Variants in JMJD1C observed in about 807,000 individuals in gnomAD.
JMJD1C encodes jumonji domain containing 1C, also known as jumonji domain-containing protein 1C.
A neutral mutation model predicts 245.3 loss-of-function variants in JMJD1C; 31 were observed. The ratio of observed to expected loss-of-function variants is 0.13; its 90% confidence interval spans 0.09 to 0.17. The LOEUF is 0.17. Among genes scored for constraint, JMJD1C ranks in the 10% least tolerant of loss-of-function variants. The pLI, the probability that JMJD1C is intolerant of heterozygous loss-of-function variation, is 1.00. For missense variants in JMJD1C, 2,691 were observed against 3,000.2 expected (o/e 0.90, Z 2.41); for synonymous variants, 1,057 against 1,017.4 (o/e 1.04, Z -0.74).
intron 2 of JMJD1C, among the ~76,000 whole-genome samples, chr10:63,347,066 AAT>A (rs1491334584): frequency 1.6e-5 from 2 of 124,510 alleles, no homozygotes; most frequent in East Asian, 2.3e-4. Flanking sequence ...AAATGAAAAG[AAT>A]TTTTTTTTTT....
chr10:63,280,282 G>A (rs1490936313), intron 2 of JMJD1C, among the ~76,000 whole-genome samples: 1 of 152,128 alleles, frequency 6.6e-6, no homozygotes, highest in African/African-American at 2.4e-5. Flanking sequence ...ACACGCGGTT[G>A]CTCACGCCTG....
chr10:63,204,682 T>C (rs937743302), intron 10 of JMJD1C: 2 of 985,310 alleles, frequency 2.0e-6, no homozygotes, highest in Non-Finnish European at 2.4e-6. Context: ...TTCAAGTAAA[T>C]GGCAGGTATC....
At chr10:63,474,384 A>G (rs1305854412) in intron 1 of JMJD1C, among the ~76,000 whole-genome samples, 1 of 152,206 alleles carries the variant, frequency 6.6e-6, no homozygotes, top group Non-Finnish European at 1.5e-5. Context: ...AGAGAGATAC[A>G]TACTTGAATC....
At chr10:63,507,420 G>A (rs1008485428) in intron 1 of JMJD1C, among the ~76,000 whole-genome samples, 1 of 151,968 alleles carries the variant, frequency 6.6e-6, no homozygotes, top group African/African-American at 2.4e-5. Flanking sequence ...GAGGCGGGGG[G>A]ATCACCGGAA....
At chr10:63,304,967 T>C (rs910310727) in intron 2 of JMJD1C, among the ~76,000 whole-genome samples, 1 of 152,010 alleles carries the variant, frequency 6.6e-6, no homozygotes, top group Non-Finnish European at 1.5e-5. Context: ...ACCCCATCTC[T>C]ACCAAAAAAG....
intron 1 of JMJD1C, among the ~76,000 whole-genome samples, chr10:63,506,724 A>C (rs1327761366): frequency 6.6e-6 from 1 of 152,206 alleles, no homozygotes; most frequent in East Asian, 1.9e-4. Context: ...AACATCCCAC[A>C]GAAGAATGGT....
At chr10:63,328,608 T>G (rs141409847) in intron 2 of JMJD1C, among the ~76,000 whole-genome samples, 1,860 of 152,350 alleles carry the variant, frequency 0.012, 19 homozygotes, top group Middle Eastern at 0.031. Flanking sequence ...TACACATACA[T>G]AAATGCATAA....
chr10:63,259,679 A>C (rs1029994768), intron 3 of JMJD1C, among the ~76,000 whole-genome samples: 1 of 152,242 alleles, frequency 6.6e-6, no homozygotes. Context: ...CATTTACTAG[A>C]CAATGTGTGA....
intron 1 of JMJD1C, among the ~76,000 whole-genome samples, chr10:63,446,776 A>T (rs1411374047): frequency 1.3e-5 from 2 of 152,238 alleles, no homozygotes; most frequent in Non-Finnish European, 2.9e-5. Context: ...GTAATTTGCA[A>T]CCTTGATCAC....
At chr10:63,354,913 C>T (rs1261844654) in intron 2 of JMJD1C, among the ~76,000 whole-genome samples, 1 of 150,146 alleles carries the variant, frequency 6.7e-6, no homozygotes, top group African/African-American at 2.5e-5. Flanking sequence ...GTCCCAGCTA[C>T]TTGGGAGGCT....
intron 1 of JMJD1C, among the ~76,000 whole-genome samples, chr10:63,501,187 A>G (rs867703562): frequency 6.6e-6 from 1 of 152,180 alleles, no homozygotes; most frequent in Non-Finnish European, 1.5e-5. Context: ...TTATCAGCTC[A>G]TTTTAGTGCC....
chr10:63,206,637 C>T lies in JMJD1C; in HGVS notation c.5032G>A (p.Ala1678Thr). Reference protein sequence around the residue: ...LKPNGVLSRSAKERSKLKLQS... With the variant: ...LKPNGVLSRSTKERSKLKLQS... ...AACTTCAGTTTACTTCTTTCTTTGG[C>T]ACTCCTGCTGAGAACTCCATTGGGT... Residue 1678 changes from alanine (A) to threonine (T), a missense_variant, in exon 10 of 26, where the codon GCC becomes ACC. Ala to Thr is a moderately conservative substitution (Grantham distance 58, BLOSUM62 0). This residue lies in a region of JMJD1C where 144 missense variants were observed against 143.3 expected (regional missense o/e 1.00). Coordinates refer to ENST00000399262, the MANE Select transcript of JMJD1C (RefSeq NM_032776.3). 1.3e-6 allele frequency: 2 copies of T among 1,599,196 alleles called. No homozygotes were observed. The highest frequency in any genetic ancestry group is 1.7e-6 in the Non-Finnish European group (2 of 1,175,898).
chr10:63,321,273 A>C (rs1355457821), intron 2 of JMJD1C, among the ~76,000 whole-genome samples: 1 of 152,234 alleles, frequency 6.6e-6, no homozygotes, highest in Non-Finnish European at 1.5e-5. Flanking sequence ...TTGCTCTAGC[A>C]AACTAATTGA....
At position 63,183,297 on chromosome 10, in the gene JMJD1C, T is replaced by C. The variant is rs180918567; in HGVS notation, c.7084+150A>G. On this transcript the variant is annotated intron_variant, in intron 22 of 25. Transcript: ENST00000399262. Reference sequence around the variant, plus strand: ...AAAGAAATAGGAAAATTATTCAATCTTCAAGTAATAAGGGCTAAAATGCCC... The same window carrying C: ...AAAGAAATAGGAAAATTATTCAATCCTCAAGTAATAAGGGCTAAAATGCCC... 5.3e-4 allele frequency: 312 copies of C among 591,532 alleles called. 2 individuals are homozygous for C. The East Asian group carries it at 9.4e-3, about 18-fold the overall frequency. 36.6% of individuals were successfully genotyped at this position (591,532 alleles called of 1,614,324 possible). A position where few individuals can be genotyped will look rare whatever the true frequency, so the allele number is the denominator to read the frequency against.
At chr10:63,485,963 T>C (rs954732397) in intron 1 of JMJD1C, among the ~76,000 whole-genome samples, 1 of 151,298 alleles carries the variant, frequency 6.6e-6, no homozygotes, top group African/African-American at 2.4e-5. Flanking sequence ...AAGTGAGAAG[T>C]CCAACAGAAG....
At chr10:63,388,234 G>C (rs1947783690) in intron 1 of JMJD1C, among the ~76,000 whole-genome samples, 1 of 151,432 alleles carries the variant, frequency 6.6e-6, no homozygotes, top group East Asian at 1.9e-4. Flanking sequence ...TAAAAAGCAA[G>C]ACATAACTAT....
intron 24 of JMJD1C, among the ~76,000 whole-genome samples, chr10:63,171,723 C>T (rs1459913273): frequency 1.3e-5 from 2 of 152,150 alleles, no homozygotes; most frequent in Admixed American, 6.5e-5. Flanking sequence ...TGGTGGGGTA[C>T]AGCAATCTGC....
chr10:63,277,157 A>G (rs1447534222), intron 2 of JMJD1C, among the ~76,000 whole-genome samples: 2 of 151,974 alleles, frequency 1.3e-5, no homozygotes, highest in Admixed American at 1.3e-4. Context: ...CTGGGATTAC[A>G]GGCATGAGCC....
chr10:63,309,239 C>A (rs1938765529), intron 2 of JMJD1C, among the ~76,000 whole-genome samples: 1 of 151,514 alleles, frequency 6.6e-6, no homozygotes, highest in African/African-American at 2.4e-5. Context: ...ATGCCTGTAA[C>A]CCCAGCACTT....
Sources: gnomAD v4.1 joint callset for allele counts (sites outside exome capture counted in the v4.1 genomes callset) on GRCh38, gnomAD v4.1.1 for gene constraint, gnomAD v4.1.1 regional missense constraint, MANE v1.5 for transcripts, NCBI Gene and HGNC (gene_info 2026-07-23, HGNC 2026-07-21) for gene names.